The following PRDM16 variants were observed in gnomAD, a reference collection of about 807,000 sequenced individuals.
The protein encoded by PRDM16 is histone-lysine N-methyltransferase PRDM16.
In PRDM16, 23 loss-of-function variants were observed where a neutral mutation model predicts 110.6. That is an observed-to-expected ratio of 0.21 (90% CI 0.15 to 0.29). PRDM16 has a LOEUF of 0.29. Ranked by LOEUF, PRDM16 falls within the 10% of genes least tolerant of loss-of-function variation. The pLI, the probability that PRDM16 is intolerant of heterozygous loss-of-function variation, is 1.00. For missense variants in PRDM16, 1,615 were observed against 1,794.3 expected, an observed-to-expected ratio of 0.90 and a Z score of 1.81; for synonymous variants, 799 against 781.8, an observed-to-expected ratio of 1.02 and a Z score of -0.37.
rs876657960 is a variant in PRDM16, at chr1:3,412,631, C to T, written c.2434C>T (p.Arg812Cys). The part of the protein sequence containing the change: ...PLDLSIGSRA[R>C]ASQNGGGREP... The stretch of plus-strand genomic sequence containing the variant: ...GGACCTGAGCATCGGCAGCCGGGCC[C>T]GTGCCAGCCAAAACGGCGGCGGGCG... The change falls in exon 9 of 17, where the codon CGT becomes TGT. Residue 812 changes from arginine (R) to cysteine (C), a missense_variant. By Grantham distance (180) the Arg-to-Cys change is radical (BLOSUM62 -3). Coordinates refer to ENST00000270722, the MANE Select transcript of PRDM16 (RefSeq NM_022114.4). 1.2e-5 allele frequency: 19 copies of T among 1,578,200 alleles called. No individual in the cohort carries two copies. The highest frequency in any genetic ancestry group is 1.5e-5 in the Non-Finnish European group (18 of 1,161,526).
At position 3,201,393 on chromosome 1, in the gene PRDM16, G is replaced by A. The variant is rs967024835; in HGVS notation, c.387+14919G>A. 2.0e-5 allele frequency among the ~76,000 whole-genome samples: 3 copies of A among 152,114 alleles called. No homozygotes were observed. The highest frequency in any genetic ancestry group is 4.4e-5 in the Non-Finnish European group (3 of 68,012). ...GCGGGTGTCCAGTCCCCAGAGAGGT[G>A]GCCTTCAAGTCCAGTAGCCCAAGCC... On this transcript the variant is annotated intron_variant, in intron 2 of 16. Coordinates refer to ENST00000270722, the MANE Select transcript of PRDM16 (RefSeq NM_022114.4). The surrounding 1 kb of genome is among the most constrained non-coding windows in gnomAD (Gnocchi z 4.1).
rs531807431 is a variant in PRDM16, at chr1:3,200,503, T to C, written c.387+14029T>C. ...GACTACAGGCGCCCGCCACCACGCC[T>C]GGCTAATTTTTTGTATTTTTAGTAG... On this transcript the variant is annotated intron_variant, in intron 2 of 16. Coordinates refer to ENST00000270722, the MANE Select transcript of PRDM16 (RefSeq NM_022114.4). Among the ~76,000 whole-genome samples, 376 of 152,152 alleles carry C rather than the reference T, an allele frequency of 2.5e-3. 1 individual carries two copies. The highest frequency in any genetic ancestry group is 3.8e-3 in the Non-Finnish European group (258 of 67,966).
chr1:3,171,966 AGTAGAACGGGGTCCCCG>A (rs1644030754), intron 1 of PRDM16, among the ~76,000 whole-genome samples: 1 of 152,154 alleles, frequency 6.6e-6, no homozygotes, highest in South Asian at 2.1e-4. Context: ...GCTGCGATCC[AGTAGAACGGGGTCCCCG>A]GTGCTGAAGG....
chr1:3,361,017 C>T (rs1023386481), intron 3 of PRDM16, among the ~76,000 whole-genome samples: 3 of 152,182 alleles, frequency 2.0e-5, no homozygotes, highest in African/African-American at 2.4e-5. Context: ...TGTGCTGGAG[C>T]GAGGACACTG....
At chr1:3,218,406 C>A (rs1196425321) in intron 2 of PRDM16, among the ~76,000 whole-genome samples, 6 of 152,184 alleles carry the variant, frequency 3.9e-5, no homozygotes, top group African/African-American at 1.4e-4. Context: ...CCCAGGTATC[C>A]CCAGGGGGCA....
chr1:3,128,320 G>A (rs963019826), intron 1 of PRDM16, among the ~76,000 whole-genome samples: 6 of 152,214 alleles, frequency 3.9e-5, no homozygotes, highest in Non-Finnish European at 8.8e-5. Flanking sequence ...AAAGTCTGGG[G>A]TCGTCAGATC....
At chr1:3,354,501 C>G (rs1180479779) in intron 3 of PRDM16, among the ~76,000 whole-genome samples, 3 of 151,776 alleles carry the variant, frequency 2.0e-5, no homozygotes, top group Non-Finnish European at 4.4e-5. Flanking sequence ...GAGCTGCCAC[C>G]AGATTCTCCA....
At chr1:3,259,073 G>A (rs1027390997) in intron 3 of PRDM16, among the ~76,000 whole-genome samples, 3 of 152,230 alleles carry the variant, frequency 2.0e-5, no homozygotes, top group African/African-American at 7.2e-5. Context: ...CAGCAAATTA[G>A]GCCAGAAGGA....
At chr1:3,401,411 C>T (rs1158456071) in intron 5 of PRDM16, among the ~76,000 whole-genome samples, 5 of 152,212 alleles carry the variant, frequency 3.3e-5, no homozygotes, top group Admixed American at 6.5e-5. Context: ...GGTCAGTCCT[C>T]GTGCACGTGC....
At chr1:3,074,326 G>C (rs1368684339) in intron 1 of PRDM16, among the ~76,000 whole-genome samples, 3 of 152,124 alleles carry the variant, frequency 2.0e-5, no homozygotes, top group Non-Finnish European at 4.4e-5. Flanking sequence ...AAATTCAGTG[G>C]AATGAAGACC....
chr1:3,340,389 G>A (rs116867665), intron 3 of PRDM16, among the ~76,000 whole-genome samples: 1 of 152,130 alleles, frequency 6.6e-6, no homozygotes, highest in African/African-American at 2.4e-5. Flanking sequence ...GCGTTTACCT[G>A]ATCCCCATCT....
chr1:3,179,182 G>C (rs1433429944), intron 1 of PRDM16, among the ~76,000 whole-genome samples: 2 of 152,258 alleles, frequency 1.3e-5, no homozygotes, highest in East Asian at 3.9e-4. Flanking sequence ...TCTGCCTGAT[G>C]GTTGTGGGGA....
rs547296748 is a variant in PRDM16 at position 3,389,409 on chromosome 1, A to T, written c.573+4123A>T. Among the ~76,000 whole-genome samples, 16 of 152,304 alleles carry T rather than the reference A, an allele frequency of 1.1e-4. No homozygotes were observed. The South Asian group carries it at 3.3e-3, about 32-fold the overall frequency. ...AATCGGACCGTCCTCTCCATGAACA[A>T]GAGCTATCCCTATGGCGTGGGGCTG... On this transcript the variant is annotated intron_variant, in intron 4 of 16. Coordinates refer to ENST00000270722, the MANE Select transcript of PRDM16 (RefSeq NM_022114.4).
intron 3 of PRDM16, among the ~76,000 whole-genome samples, chr1:3,312,908 G>A (rs919505268): frequency 2.0e-5 from 3 of 152,168 alleles, no homozygotes; most frequent in Admixed American, 6.5e-5. Context: ...GTCCACACAC[G>A]GATACGTGTG....
intron 12 of PRDM16, among the ~76,000 whole-genome samples, chr1:3,421,069 A>T (rs1433391433): frequency 6.6e-6 from 1 of 152,234 alleles, no homozygotes; most frequent in Non-Finnish European, 1.5e-5. Context: ...TTGTGCTTCC[A>T]TCGGGGGCTG....
chr1:3,375,237 T>C (rs562206421), intron 3 of PRDM16, among the ~76,000 whole-genome samples: 1 of 152,294 alleles, frequency 6.6e-6, no homozygotes, highest in African/African-American at 2.4e-5. Flanking sequence ...GCCCAAGCCC[T>C]GCTGGTACTC....
intron 1 of PRDM16, among the ~76,000 whole-genome samples, chr1:3,176,411 G>T (rs1644090961): frequency 1.3e-5 from 2 of 150,472 alleles, no homozygotes; most frequent in Admixed American, 6.6e-5. Context: ...CTCATGCTGG[G>T]TCCTGCCTCT....
chr1:3,204,500 G>T (rs1001845044), intron 2 of PRDM16, among the ~76,000 whole-genome samples: 7 of 152,226 alleles, frequency 4.6e-5, no homozygotes, highest in Non-Finnish European at 1.0e-4. Context: ...GGCCACCAGG[G>T]AAGTCTCCGA....
At chr1:3,402,020 TG>T (rs1643480947) in intron 5 of PRDM16, among the ~76,000 whole-genome samples, 1 of 152,252 alleles carries the variant, frequency 6.6e-6, no homozygotes, top group Non-Finnish European at 1.5e-5. Flanking sequence ...TGCACAGACA[TG>T]GATGCAGATA....
Sources: allele counts gnomAD v4.1 joint callset (sites outside exome capture counted in the v4.1 genomes callset), GRCh38; gene constraint gnomAD v4.1.1; non-coding constraint Gnocchi (gnomAD v3.1); transcripts MANE v1.5; gene names NCBI Gene and HGNC (gene_info 2026-07-23, HGNC 2026-07-21).